GUCY1A2: variants seen among roughly 807,000 people sequenced by gnomAD.
The protein encoded by GUCY1A2 is guanylate cyclase soluble subunit alpha-2.
A neutral mutation model predicts 63.5 loss-of-function variants in GUCY1A2; 27 were observed. The observed-to-expected ratio is 0.43, with a 90% CI of 0.31 to 0.59. The LOEUF (loss-of-function observed/expected upper bound fraction) is 0.59. Ranked by LOEUF, GUCY1A2 falls within the 20% of genes least tolerant of loss-of-function variation. The pLI is 0.11. For synonymous variants in GUCY1A2, 364 were observed against 343.5 expected (o/e 1.06, Z -0.66); for missense variants, 768 against 913.3 (o/e 0.84, Z 2.05).
rs573130139 is a variant in GUCY1A2, at chr11:106,800,247, G to A, written c.1692+9746C>T. ...AAACAGTCAGGAAACAACAGGTGCT[G>A]GAGAGGATGTGGAGAAATAGGAACA... On this transcript the variant is annotated intron_variant, in intron 5 of 7. Coordinates refer to ENST00000526355, the MANE Select transcript of GUCY1A2 (RefSeq NM_000855.3). Among the ~76,000 whole-genome samples the A allele has an allele frequency of 2.6e-5, 4 of 152,316 alleles. No individual in the cohort carries two copies. In the South Asian group the frequency reaches 8.3e-4, roughly 32 times the overall value.
intron 7 of GUCY1A2, among the ~76,000 whole-genome samples, chr11:106,691,299 G>T (rs555430378): frequency 3.7e-4 from 57 of 152,266 alleles, no homozygotes; most frequent in Non-Finnish European, 7.2e-4. Context: ...CAATCTAAAG[G>T]AAGAAATTCT....
At chr11:106,795,390 G>C (rs912380217) in intron 5 of GUCY1A2, among the ~76,000 whole-genome samples, 1 of 152,154 alleles carries the variant, frequency 6.6e-6, no homozygotes, top group Non-Finnish European at 1.5e-5. Context: ...AGAGAAGCAC[G>C]AAGTTGCCCT....
chr11:106,865,639 T>C (rs2129737), intron 4 of GUCY1A2, among the ~76,000 whole-genome samples: 135,639 of 151,862 alleles, frequency 0.89, 60,666 homozygotes, highest in East Asian at 1. Flanking sequence ...ATCACACACC[T>C]TGCCTGTCAG....
chr11:106,856,304 C>T (rs1037740022), intron 4 of GUCY1A2, among the ~76,000 whole-genome samples: 1 of 151,974 alleles, frequency 6.6e-6, no homozygotes, highest in South Asian at 2.1e-4. Context: ...AAAGAAAAAA[C>T]GTGTTAGCTA....
chr11:106,859,673 T>C (rs183765496), intron 4 of GUCY1A2, among the ~76,000 whole-genome samples: 6 of 152,086 alleles, frequency 3.9e-5, no homozygotes, highest in Non-Finnish European at 8.8e-5. Context: ...CTAACAATGT[T>C]CCAGTCAATG....
chr11:107,015,223 C>T (rs1182691722), intron 1 of GUCY1A2, among the ~76,000 whole-genome samples: 1 of 152,064 alleles, frequency 6.6e-6, no homozygotes, highest in East Asian at 1.9e-4. Context: ...TCAGCGTCCA[C>T]CTGACAGACC....
chr11:106,817,181 G>C (rs1261144918), intron 4 of GUCY1A2, among the ~76,000 whole-genome samples: 1 of 152,044 alleles, frequency 6.6e-6, no homozygotes, highest in Non-Finnish European at 1.5e-5. Flanking sequence ...GCTGGGATAT[G>C]ATGAAGCATA....
In GUCY1A2 at chr11:106,683,354, C is replaced by A; in HGVS notation, c.*4195G>T. On this transcript the variant is annotated 3_prime_UTR_variant, in exon 8 of 8. Transcript: ENST00000526355. ...AAAGACGCCTGGTGCTACCCAAAGC[C>A]TATTCAGAGTCATTTATAATTAATT... 4.5e-6 allele frequency: 1 copy of A among 223,376 alleles called. No homozygotes were observed. Among genetic ancestry groups the A allele is most frequent in the East Asian group, 6.5e-5 (1 of 15,490 alleles). 13.8% of individuals were successfully genotyped at this position (223,376 alleles called of 1,614,324 possible). A position where few individuals can be genotyped will look rare whatever the true frequency, so the allele number is the denominator to read the frequency against.
intron 1 of GUCY1A2, among the ~76,000 whole-genome samples, chr11:106,992,367 T>TC (rs1185989449): frequency 1.4e-5 from 2 of 144,974 alleles, no homozygotes; most frequent in African/African-American, 5.1e-5. Flanking sequence ...TCTCGCTCTG[T>TC]CCCCCAGGCT....
chr11:106,746,625 G>A (rs890961053), intron 6 of GUCY1A2: 5 of 1,594,728 alleles, frequency 3.1e-6, no homozygotes, highest in Non-Finnish European at 2.5e-6. Flanking sequence ...AAGGAGAAAA[G>A]GAGTTCACTC....
intron 5 of GUCY1A2, among the ~76,000 whole-genome samples, chr11:106,779,372 A>G (rs78606337): frequency 0.025 from 3,881 of 152,278 alleles, 175 homozygotes; most frequent in East Asian, 0.15. Context: ...AAATGTGCCT[A>G]TTTACCATTT....
chr11:106,709,531 ATATAATATAT>A (rs1863017482), intron 6 of GUCY1A2, among the ~76,000 whole-genome samples: 1 of 76,630 alleles, frequency 1.3e-5, no homozygotes, highest in African/African-American at 6.8e-5. Context: ...TATAATAATA[ATATAATATAT>A]TATATTATTA....
chr11:106,840,291 A>G (rs191271024), intron 4 of GUCY1A2, among the ~76,000 whole-genome samples: 5 of 152,062 alleles, frequency 3.3e-5, no homozygotes, highest in Admixed American at 3.3e-4. Context: ...TGGAAAAATA[A>G]TAACATGGAG....
chr11:106,695,893 A>G (rs1227209638), intron 7 of GUCY1A2, among the ~76,000 whole-genome samples: 1 of 152,200 alleles, frequency 6.6e-6, no homozygotes, highest in Non-Finnish European at 1.5e-5. Context: ...GGGATCTAAA[A>G]TTCAGGCCAA....
At chr11:106,732,701 G>T (rs1555024751) in intron 6 of GUCY1A2, among the ~76,000 whole-genome samples, 1 of 152,120 alleles carries the variant, frequency 6.6e-6, no homozygotes, top group Non-Finnish European at 1.5e-5. Flanking sequence ...AATTCTTCAA[G>T]TTCTTCCTTT....
intron 4 of GUCY1A2, among the ~76,000 whole-genome samples, chr11:106,939,233 G>T (rs1565337623): frequency 6.6e-6 from 1 of 152,134 alleles, no homozygotes; most frequent in African/African-American, 2.4e-5. Context: ...ATTAATAAAT[G>T]TCTTCTTTTT....
At chr11:106,802,941 A>G (rs1007419139) in intron 5 of GUCY1A2, among the ~76,000 whole-genome samples, 1 of 152,146 alleles carries the variant, frequency 6.6e-6, no homozygotes, top group Non-Finnish European at 1.5e-5. Flanking sequence ...GTAAAAATCA[A>G]AAACACCAAT....
At chr11:106,934,773 G>T (rs1472684779) in intron 4 of GUCY1A2, among the ~76,000 whole-genome samples, 1 of 152,124 alleles carries the variant, frequency 6.6e-6, no homozygotes, top group Non-Finnish European at 1.5e-5. Flanking sequence ...CTGTCGCAGG[G>T]ATGATGTATT....
chr11:106,906,529 C>T (rs1410820477), intron 4 of GUCY1A2, among the ~76,000 whole-genome samples: 1 of 151,488 alleles, frequency 6.6e-6, no homozygotes, highest in African/African-American at 2.4e-5. Context: ...GGTGTTCACC[C>T]ATTCCTCAAG....
Sources: gnomAD v4.1 joint callset for allele counts (sites outside exome capture counted in the v4.1 genomes callset) on GRCh38, gnomAD v4.1.1 for gene constraint, MANE v1.5 for transcripts, NCBI Gene and HGNC (gene_info 2026-07-23, HGNC 2026-07-21) for gene names.